TMEM70: variants seen among roughly 807,000 people sequenced by gnomAD.
TMEM70 encodes transmembrane protein 70, mitochondrial.
Under a neutral mutation model 20.5 loss-of-function variants are expected in TMEM70, and 15 were observed. The observed-to-expected ratio is 0.73, with a 90% CI of 0.49 to 1.13. The LOEUF is 1.13. TMEM70 is among the 50% of genes most tolerant of loss of function. The pLI is 0.00. For synonymous variants in TMEM70, 141 were observed against 134.2 expected (o/e 1.05, Z -0.35); for missense variants, 344 against 331.7 (o/e 1.04, Z -0.29).
chr8:73,981,275 G>A lies in TMEM70; in HGVS notation c.437G>A (p.Gly146Asp). ...VPLPIQIIFY[G>D]IMGSFTVITP... ...CTGCCTATTCAAATCATATTCTATG[G>A]CATCATGGGAAGCTTTACGGTGATC... Residue 146 changes from glycine to aspartate, a missense_variant, in exon 3 of 3, where the codon GGC becomes GAC. Transcript: ENST00000312184. 6.2e-7 allele frequency: 1 copy of A among 1,613,992 alleles called. No individual in the cohort carries two copies. The highest frequency in any genetic ancestry group is 8.5e-7 in the Non-Finnish European group (1 of 1,180,008).
At chr8:73,977,848 G>A (rs1346921464) in intron 1 of TMEM70, among the ~76,000 whole-genome samples, 1 of 152,072 alleles carries the variant, frequency 6.6e-6, no homozygotes, top group East Asian at 1.9e-4. Flanking sequence ...GAATGGAAAT[G>A]ATGTCGTCAT....
rs757320270 is a variant in TMEM70, at chr8:73,976,210, G to A, written c.-72G>A. ...GGCATGCGCCACTTGTGCGGCAGTCGGGTGGGAAGCCGTGTCTCGCAGTCG... is the reference window on the plus strand; with the variant it reads ...GGCATGCGCCACTTGTGCGGCAGTCAGGTGGGAAGCCGTGTCTCGCAGTCG... On this transcript the variant is annotated 5_prime_UTR_variant, in exon 1 of 3. Transcript: ENST00000312184. 6 of 1,413,888 alleles carry A rather than the reference G, an allele frequency of 4.2e-6. No homozygotes were observed. Among genetic ancestry groups the A allele is most frequent in the African/African-American group, 1.4e-5 (1 of 71,134 alleles). The allele number at this position is 1,413,888 out of a possible 1,614,324, so 87.6% of individuals were successfully genotyped here.
intron 1 of TMEM70, among the ~76,000 whole-genome samples, chr8:73,977,640 G>A (rs1414699959): frequency 6.6e-6 from 1 of 152,020 alleles, no homozygotes; most frequent in Admixed American, 6.6e-5. Context: ...GTGAGTTTGC[G>A]GAGTATTTTA....
intron 1 of TMEM70, 64 bp from the exon 2 acceptor site, chr8:73,978,692 C>CAAAAA: frequency 7.6e-7 from 1 of 1,320,774 alleles, no homozygotes; most frequent in Non-Finnish European, 1.0e-6. Flanking sequence ...GACTCTGTCT[C>CAAAAA]AAAAAAAAAA....
At chr8:73,976,620 C>T (rs1815656443) in intron 1 of TMEM70, 129 bp downstream of exon 1, 2 of 952,398 alleles carry the variant, frequency 2.1e-6, no homozygotes, top group East Asian at 2.8e-5. Context: ...GAGGAGCCCC[C>T]TCTGCGGGGC....
At chr8:73,977,715 G>A (rs55900240) in intron 1 of TMEM70, among the ~76,000 whole-genome samples, 1 of 151,848 alleles carries the variant, frequency 6.6e-6, no homozygotes, top group Admixed American at 6.6e-5. Flanking sequence ...TGTTGCCCAG[G>A]CTGGCCTTAA....
At position 73,976,272 on chromosome 8, in the gene TMEM70, C is replaced by T. The variant is rs749413775; in HGVS notation, c.-10C>T. ...AGCTGGGGCGTCCGCAGCCGCTCGTCACCCGCGTGATGCTGTTTCTGGCGT... is the reference window on the plus strand; with the variant it reads ...AGCTGGGGCGTCCGCAGCCGCTCGTTACCCGCGTGATGCTGTTTCTGGCGT... On this transcript the variant is annotated 5_prime_UTR_variant, in exon 1 of 3. Transcript: ENST00000312184. The T allele has an allele frequency of 6.9e-6, 11 of 1,598,734 alleles. No homozygotes were observed. The East Asian group carries it at 1.6e-4, about 23-fold the overall frequency.
rs1444329366 is a variant in TMEM70, at chr8:73,981,326, C to T, written c.488C>T (p.Thr163Ile). 1 of 1,614,182 alleles carries T rather than the reference C, an allele frequency of 6.2e-7. No homozygotes were observed. Among genetic ancestry groups the T allele is most frequent in the Non-Finnish European group, 8.5e-7 (1 of 1,180,034 alleles). ...ACCCCAGTGCTGCTTCACTTTATTA[C>T]AAAAGGCTATGTCATTCGATTGTAC... ...VITPVLLHFITKGYVIRLYHE... is the reference protein window; with the variant it reads ...VITPVLLHFIIKGYVIRLYHE... Residue 163 changes from threonine (T) to isoleucine (I), a missense_variant, in exon 3 of 3, where the codon ACA (threonine) becomes ATA (isoleucine). By Grantham distance (89) the Thr-to-Ile change is moderately conservative (BLOSUM62 -1). Transcript: ENST00000312184.
In TMEM70 at chr8:73,982,512, A is replaced by G; in HGVS notation, c.*891A>G. 1 of 621,342 alleles carries G rather than the reference A, an allele frequency of 1.6e-6. No individual in the cohort carries two copies. The highest frequency in any genetic ancestry group is 1.4e-5 in the South Asian group (1 of 71,498). The allele number at this position is 621,342 out of a possible 1,614,324, so 38.5% of individuals were successfully genotyped here. ...CATAAATTGATTACCAGTTGTTAAA[A>G]AATTTTCAAAAAACCGCAAAATTTC... On this transcript the variant is annotated 3_prime_UTR_variant, in exon 3 of 3. Transcript: ENST00000312184.
In TMEM70 at chr8:73,976,351, T is replaced by C. The variant is rs368936744; in HGVS notation, c.70T>C (p.Cys24Arg). Residue 24 changes from cysteine to arginine, a missense_variant, in exon 1 of 3, where the codon TGT becomes CGT. Cys to Arg is a radical substitution (Grantham distance 180, BLOSUM62 -3). Transcript: ENST00000312184. ...LPLCGRRTAL[C>R]AAAALRGPRA... ...TCTCTGCGGAAGGAGGACTGCATTG[T>C]GTGCGGCCGCCGCGCTCCGAGGTCC... 9 of 1,599,520 alleles carry C rather than the reference T, an allele frequency of 5.6e-6. No individual in the cohort carries two copies. The African/African-American group carries it at 1.1e-4, about 19-fold the overall frequency.
At chr8:73,980,388 A>AC (rs1563699264) in intron 2 of TMEM70, among the ~76,000 whole-genome samples, 3 of 148,512 alleles carry the variant, frequency 2.0e-5, no homozygotes, top group African/African-American at 7.4e-5. Context: ...TTTTTTTTTG[A>AC]GATGGAGTCT....
At position 73,980,796 on chromosome 8, in the gene TMEM70, T is replaced by C. The variant is rs193207455; in HGVS notation, c.317-359T>C. On this transcript the variant is annotated intron_variant, in intron 2 of 2. Transcript: ENST00000312184. ...TTAGATATACTGGAGTGCTTGTTAATAGAGAGTTTTGTTTGATAATCTGCT... is the reference window on the plus strand; with the variant it reads ...TTAGATATACTGGAGTGCTTGTTAACAGAGAGTTTTGTTTGATAATCTGCT... Among the ~76,000 whole-genome samples the C allele has an allele frequency of 5.4e-4, 83 of 152,370 alleles. 1 individual carries two copies. The highest frequency in any genetic ancestry group is 3.4e-3 in the Middle Eastern group (1 of 294).
At position 73,982,623 on chromosome 8, in the gene TMEM70, A is replaced by G. The variant is rs1220821605; in HGVS notation, c.*1002A>G. 1.3e-5 allele frequency: 6 copies of G among 476,206 alleles called. No individual in the cohort carries two copies. Among genetic ancestry groups the G allele is most frequent in the Admixed American group, 4.6e-5 (2 of 43,480 alleles). 29.5% of individuals were successfully genotyped at this position (476,206 alleles called of 1,614,324 possible). On this transcript the variant is annotated 3_prime_UTR_variant, in exon 3 of 3. Transcript: ENST00000312184. The stretch of plus-strand genomic sequence containing the variant: ...TGCCTAACCCCTGGCATGATTGCCC[A>G]TAAGAACATACATGTACAGTTGAAC...
In TMEM70 at chr8:73,981,502, A is replaced by C; in HGVS notation, c.664A>C (p.Asn222His). The C allele has an allele frequency of 6.2e-7, 1 of 1,613,732 alleles. No homozygotes were observed. Among genetic ancestry groups the C allele is most frequent in the Non-Finnish European group, 8.5e-7 (1 of 1,179,662 alleles). ...TGCTAAAACAAAATCACTGTTAGTT[A>C]ATCCAGTGCTCTTTCCAAACCGTGA... ...FYAKTKSLLV[N>H]PVLFPNREDY... The change falls in exon 3 of 3, where the codon AAT becomes CAT. Residue 222 changes from asparagine (N) to histidine (H), a missense_variant. By Grantham distance (68) the Asn-to-His change is moderately conservative. Coordinates refer to ENST00000312184, the MANE Select transcript of TMEM70 (RefSeq NM_017866.6).
intron 1 of TMEM70, among the ~76,000 whole-genome samples, chr8:73,977,880 T>C (rs1216669031): frequency 6.6e-6 from 1 of 152,160 alleles, no homozygotes; most frequent in African/African-American, 2.4e-5. Flanking sequence ...TAGAAGAAAC[T>C]GTTACTATTT....
rs1815782340 is a variant in TMEM70 at position 73,981,145 on chromosome 8, T to C, written c.317-10T>C. 2 of 1,603,474 alleles carry C rather than the reference T, an allele frequency of 1.2e-6. No homozygotes were observed. Among genetic ancestry groups the C allele is most frequent in the Middle Eastern group, 1.7e-4 (1 of 5,962 alleles). ...AAAGTATTGATCCTCTCTCTTTTTT[T>C]CCCATTTAGGTGTGAAATGTTTCTC... On this transcript the variant is annotated splice_polypyrimidine_tract_variant and intron_variant, in intron 2 of 2. Transcript: ENST00000312184.
chr8:73,978,547 G>A (rs1586635119), intron 1 of TMEM70, among the ~76,000 whole-genome samples: 2 of 151,624 alleles, frequency 1.3e-5, no homozygotes, highest in Admixed American at 1.3e-4. Flanking sequence ...GAAATTAGCC[G>A]GGTGTGGTGG....
intron 2 of TMEM70, 27 bp downstream of exon 2, chr8:73,978,888 A>T (rs1815719754): frequency 6.2e-7 from 1 of 1,612,368 alleles, no homozygotes; most frequent in African/African-American, 1.3e-5. Context: ...GGGTGTACTT[A>T]CTTTGTTTTT....
chr8:73,976,332 C>A lies in TMEM70; in HGVS notation c.51C>A (p.Cys17Ter). 1 of 1,600,708 alleles carries A rather than the reference C, an allele frequency of 6.2e-7. No individual in the cohort carries two copies. The highest frequency in any genetic ancestry group is 2.2e-5 in the East Asian group (1 of 44,844). The change falls in exon 1 of 3, where the codon TGC becomes TGA. Residue 17 changes from cysteine (C) to a stop codon, truncating the protein, a stop_gained. Coordinates refer to ENST00000312184, the MANE Select transcript of TMEM70 (RefSeq NM_017866.6). LOFTEE classifies it high-confidence loss of function. ...CGTGGGCGGTCGAACTGCCTCTCTGCGGAAGGAGGACTGCATTGTGTGCGG... is the reference window on the plus strand; with the variant it reads ...CGTGGGCGGTCGAACTGCCTCTCTGAGGAAGGAGGACTGCATTGTGTGCGG... Reference protein sequence around the residue: ...GSPWAVELPLCGRRTALCAAA... With the variant: ...GSPWAVELPL
Sources: gnomAD v4.1 joint callset for allele counts (sites outside exome capture counted in the v4.1 genomes callset) on GRCh38, gnomAD v4.1.1 for gene constraint, MANE v1.5 for transcripts, NCBI Gene and HGNC (gene_info 2026-07-23, HGNC 2026-07-21) for gene names.